The following MUSK variants were observed in gnomAD, a reference collection of about 807,000 sequenced individuals.
MUSK encodes muscle associated receptor tyrosine kinase.
Under a neutral mutation model 88.7 loss-of-function variants are expected in MUSK, and 55 were observed. The observed-to-expected ratio is 0.62, with a 90% CI of 0.50 to 0.78. MUSK has a LOEUF of 0.78. Ranked by LOEUF, MUSK falls within the 30% of genes least tolerant of loss-of-function variation. MUSK has a pLI of 0.00. For missense variants in MUSK, 1,015 were observed against 1,074.3 expected (o/e 0.94, Z 0.77); for synonymous variants, 387 against 391.9 (o/e 0.99, Z 0.15).
At chr9:110,768,952 T>C (rs2077526474) in intron 9 of MUSK, among the ~76,000 whole-genome samples, 1 of 152,206 alleles carries the variant, frequency 6.6e-6, no homozygotes, top group Non-Finnish European at 1.5e-5. Context: ...CATCTTTAAT[T>C]ACTTCTTATG....
At chr9:110,715,790 C>G (rs1243329606) in intron 5 of MUSK, among the ~76,000 whole-genome samples, 2 of 148,934 alleles carry the variant, frequency 1.3e-5, no homozygotes, top group Admixed American at 6.6e-5. Flanking sequence ...ACTATGCAGC[C>G]ATAAAAAGGA....
intron 5 of MUSK, among the ~76,000 whole-genome samples, chr9:110,715,892 G>A (rs570689237): frequency 2.7e-5 from 4 of 149,386 alleles, no homozygotes; most frequent in African/African-American, 7.7e-5. Context: ...AACACCACAT[G>A]TTGTCACTTA....
chr9:110,768,797 A>G (rs188576767), intron 9 of MUSK, among the ~76,000 whole-genome samples: 83 of 152,350 alleles, frequency 5.4e-4, no homozygotes, highest in South Asian at 1.9e-3. Flanking sequence ...TTTAAAGTAC[A>G]TTCCATCCAA....
At chr9:110,690,202 A>ATATAAATATATATTTAAG (rs1465600487) in intron 3 of MUSK, among the ~76,000 whole-genome samples, 5 of 105,224 alleles carry the variant, frequency 4.8e-5, no homozygotes, top group Non-Finnish European at 8.4e-5. Context: ...ATATAAATAT[A>ATATAAATATATATTTAAG]TATAAATATA....
chr9:110,702,878 G>A (rs1199512613), intron 5 of MUSK, among the ~76,000 whole-genome samples: 2 of 152,084 alleles, frequency 1.3e-5, no homozygotes, highest in Admixed American at 6.5e-5. Flanking sequence ...GGGCAACAGA[G>A]TGAGACCCTG....
intron 2 of MUSK, 43 bp downstream of exon 2, chr9:110,682,843 T>C (rs1333611299): frequency 3.5e-6 from 5 of 1,437,280 alleles, no homozygotes; most frequent in Non-Finnish European, 4.8e-6. Flanking sequence ...TTTGTGGGTA[T>C]ATAGTAGGTG....
At chr9:110,721,922 C>T (rs1309678396) in intron 5 of MUSK, among the ~76,000 whole-genome samples, 1 of 152,084 alleles carries the variant, frequency 6.6e-6, no homozygotes. Flanking sequence ...GAATTGTGAA[C>T]CCAGAAATGA....
intron 5 of MUSK, among the ~76,000 whole-genome samples, chr9:110,701,881 T>C (rs1490224467): frequency 1.1e-5 from 1 of 87,178 alleles, no homozygotes. Flanking sequence ...TTTATTTTAT[T>C]TTATTTTATT....
chr9:110,709,999 A>C (rs1050424381), intron 5 of MUSK, among the ~76,000 whole-genome samples: 6 of 151,440 alleles, frequency 4.0e-5, no homozygotes, highest in Admixed American at 3.9e-4. Flanking sequence ...TATTTATTTA[A>C]AAATATTTAA....
At chr9:110,685,792 G>A (rs2076187892) in intron 2 of MUSK, among the ~76,000 whole-genome samples, 1 of 152,144 alleles carries the variant, frequency 6.6e-6, no homozygotes, top group Non-Finnish European at 1.5e-5. Flanking sequence ...TTCCTCAGGA[G>A]CAGAATCATT....
chr9:110,735,066 A>C (rs1461802080), intron 6 of MUSK, among the ~76,000 whole-genome samples: 1 of 152,124 alleles, frequency 6.6e-6, no homozygotes, highest in Non-Finnish European at 1.5e-5. Flanking sequence ...GGAGACAGAA[A>C]GTTCAACCTT....
intron 9 of MUSK, among the ~76,000 whole-genome samples, chr9:110,771,423 T>C (rs929337306): frequency 6.6e-6 from 1 of 151,924 alleles, no homozygotes; most frequent in Non-Finnish European, 1.5e-5. Context: ...CTTCCCATTA[T>C]CTCTAAAGGC....
At chr9:110,680,923 A>T (rs1224191300) in intron 1 of MUSK, among the ~76,000 whole-genome samples, 1 of 104,838 alleles carries the variant, frequency 9.5e-6, no homozygotes, top group East Asian at 2.2e-4. Context: ...ATTTCTTTGT[A>T]TTATGTTCTG....
chr9:110,747,862 A>C, intron 7 of MUSK, 62 bp downstream of exon 7: 1 of 1,557,548 alleles, frequency 6.4e-7, no homozygotes, highest in East Asian at 2.2e-5. Context: ...CTATTCTACA[A>C]TATCGAGCAT....
intron 5 of MUSK, among the ~76,000 whole-genome samples, chr9:110,707,037 AAGAGAG>A (rs139192477): frequency 9.4e-5 from 14 of 148,260 alleles, no homozygotes; most frequent in African/African-American, 3.2e-4. Context: ...GAAACAAATA[AAGAGAG>A]AGAGAGAGAG....
At chr9:110,784,139 T>C (rs991725517) in intron 11 of MUSK, among the ~76,000 whole-genome samples, 1 of 152,144 alleles carries the variant, frequency 6.6e-6, no homozygotes, top group African/African-American at 2.4e-5. Context: ...TTTAAAATAC[T>C]CTGTATCCCT....
chr9:110,798,387 T>C (rs1413756390), intron 14 of MUSK, among the ~76,000 whole-genome samples: 5 of 152,166 alleles, frequency 3.3e-5, no homozygotes, highest in Non-Finnish European at 7.4e-5. Flanking sequence ...ACTAAAGAAA[T>C]ATGCAGAATT....
chr9:110,691,906 T>C lies in MUSK; in HGVS notation c.359-3497T>C, dbSNP rs184376169. 2.2e-3 allele frequency among the ~76,000 whole-genome samples: 337 copies of C among 152,302 alleles called. 1 individual carries two copies. The highest frequency in any genetic ancestry group is 2.0e-3 in the Non-Finnish European group (136 of 68,012). ...ATTGTTGGATAATAATTTTGCTGCA[T>C]GCAGAATGAGAGTTTTAAAATCCCT... On this transcript the variant is annotated intron_variant, in intron 3 of 14. Transcript: ENST00000374448.
chr9:110,747,127 T>C (rs2077182993), intron 6 of MUSK, among the ~76,000 whole-genome samples: 1 of 152,164 alleles, frequency 6.6e-6, no homozygotes, highest in African/African-American at 2.4e-5. Flanking sequence ...GTGGTTTTGC[T>C]GATTTGGTTT....
Sources: allele counts gnomAD v4.1 joint callset (sites outside exome capture counted in the v4.1 genomes callset), GRCh38; gene constraint gnomAD v4.1.1; transcripts MANE v1.5; gene names NCBI Gene and HGNC (gene_info 2026-07-23, HGNC 2026-07-21).